The following TMEM132D variants were observed in gnomAD, a reference collection of about 807,000 sequenced individuals.
The protein encoded by TMEM132D is transmembrane protein 132D, also known as mature OL transmembrane protein.
In TMEM132D, 21 loss-of-function variants were observed where a neutral mutation model predicts 62.3. The ratio of observed to expected loss-of-function variants is 0.34; its 90% CI spans 0.24 to 0.49. TMEM132D has a LOEUF of 0.49. Ranked by LOEUF, TMEM132D falls within the 20% of genes least tolerant of loss-of-function variation. TMEM132D has a pLI of 0.99. For missense variants in TMEM132D, 1,346 were observed against 1,402.8 expected (o/e 0.96, Z 0.65); for synonymous variants, 621 against 575.6 (o/e 1.08, Z -1.13).
At chr12:129,888,858 C>T (rs922024736) in intron 1 of TMEM132D, among the ~76,000 whole-genome samples, 2 of 152,170 alleles carry the variant, frequency 1.3e-5, no homozygotes, top group Non-Finnish European at 2.9e-5. Flanking sequence ...TAGGTCCTCC[C>T]TCCAGGCTCT....
At chr12:129,438,116 A>G (rs1872839166) in intron 3 of TMEM132D, among the ~76,000 whole-genome samples, 4 of 152,150 alleles carry the variant, frequency 2.6e-5, no homozygotes, top group Admixed American at 6.5e-5. Flanking sequence ...TATGTACCAC[A>G]TTCTTTTTAA....
intron 1 of TMEM132D, among the ~76,000 whole-genome samples, chr12:129,818,426 T>A (rs766784773): frequency 4.1e-5 from 6 of 146,032 alleles, no homozygotes; most frequent in Non-Finnish European, 6.0e-5. Flanking sequence ...AGTGTGTATG[T>A]GTGTGGTGGG....
Position 129,393,740 on chromosome 12 carries a change from CA to C in TMEM132D, c.1116-55924del, listed in dbSNP as rs1375039444. ...CAGCAAGCTTAAACACTTGAGCAAG[CA>C]ACCCACGCCAAACTGAGGTTGTTTT... On this transcript the variant is annotated intron_variant, in intron 3 of 8. Coordinates refer to ENST00000422113, the MANE Select transcript of TMEM132D (RefSeq NM_133448.3). Among the ~76,000 whole-genome samples, 6 of 152,304 alleles carry C rather than the reference CA, an allele frequency of 3.9e-5. No individual in the cohort carries two copies. In the East Asian group the frequency reaches 1.2e-3, roughly 29 times the overall value.
At chr12:129,488,171 A>G (rs1390929477) in intron 3 of TMEM132D, among the ~76,000 whole-genome samples, 1 of 152,038 alleles carries the variant, frequency 6.6e-6, no homozygotes, top group African/African-American at 2.4e-5. Flanking sequence ...ACACTCAGAA[A>G]TAAGTTGCTG....
intron 2 of TMEM132D, among the ~76,000 whole-genome samples, chr12:129,650,416 C>T (rs1241934238): frequency 6.6e-6 from 1 of 152,126 alleles, no homozygotes; most frequent in Non-Finnish European, 1.5e-5. Flanking sequence ...GTGTTTTGAA[C>T]ATTCTTGTAT....
chr12:129,143,743 G>A (rs1371893395), intron 5 of TMEM132D, among the ~76,000 whole-genome samples: 1 of 152,154 alleles, frequency 6.6e-6, no homozygotes. Context: ...AAAGAGAAAG[G>A]AATGCCATTT....
chr12:129,223,636 A>G (rs1272282215), intron 4 of TMEM132D, among the ~76,000 whole-genome samples: 1 of 152,214 alleles, frequency 6.6e-6, no homozygotes, highest in Non-Finnish European at 1.5e-5. Flanking sequence ...GCAGCAATAG[A>G]TAACTGATAA....
chr12:129,266,830 A>G (rs529950709), intron 4 of TMEM132D, among the ~76,000 whole-genome samples: 1 of 152,092 alleles, frequency 6.6e-6, no homozygotes, highest in Non-Finnish European at 1.5e-5. Context: ...TGTCTCTGCT[A>G]TCACCACCCA....
At chr12:129,120,672 T>C (rs976078841) in intron 5 of TMEM132D, among the ~76,000 whole-genome samples, 3 of 152,178 alleles carry the variant, frequency 2.0e-5, no homozygotes, top group African/African-American at 4.8e-5. Context: ...GTTAATAGTA[T>C]AGATAGATAA....
At chr12:129,166,421 A>G (rs1314276726) in intron 5 of TMEM132D, among the ~76,000 whole-genome samples, 1 of 152,210 alleles carries the variant, frequency 6.6e-6, no homozygotes, top group African/African-American at 2.4e-5. Context: ...TTTGACATGC[A>G]TGAATGTGGG....
At chr12:129,077,923 AAC>A (rs1338305455) in intron 8 of TMEM132D, among the ~76,000 whole-genome samples, 1 of 152,140 alleles carries the variant, frequency 6.6e-6, no homozygotes, top group Non-Finnish European at 1.5e-5. Flanking sequence ...ATAGACACAC[AAC>A]ACACATATAC....
chr12:129,544,419 C>T (rs2137100424), intron 2 of TMEM132D, among the ~76,000 whole-genome samples: 1 of 152,324 alleles, frequency 6.6e-6, no homozygotes, highest in South Asian at 2.1e-4. Context: ...TTAAATGATT[C>T]ATCCAGTACC....
At chr12:129,898,665 C>T (rs188183158) in intron 1 of TMEM132D, among the ~76,000 whole-genome samples, 35 of 152,340 alleles carry the variant, frequency 2.3e-4, no homozygotes, top group South Asian at 1.0e-3. Context: ...CTCGCCCCAT[C>T]CTCCAGAGCA....
At chr12:129,742,044 G>A (rs1189003640) in intron 1 of TMEM132D, among the ~76,000 whole-genome samples, 2 of 152,268 alleles carry the variant, frequency 1.3e-5, no homozygotes, top group Non-Finnish European at 2.9e-5. Context: ...CCCCAAGTAA[G>A]AGAATGTTAA....
chr12:129,307,378 C>T (rs913655831), intron 4 of TMEM132D, among the ~76,000 whole-genome samples: 2 of 152,214 alleles, frequency 1.3e-5, no homozygotes, highest in African/African-American at 4.8e-5. Flanking sequence ...GAAAATACCA[C>T]AGCTGAACCC....
At chr12:129,574,956 T>C (rs1394095562) in intron 2 of TMEM132D, among the ~76,000 whole-genome samples, 2 of 151,706 alleles carry the variant, frequency 1.3e-5, no homozygotes, top group Non-Finnish European at 2.9e-5. Flanking sequence ...CCAAACACTC[T>C]TCCTGCTTGC....
intron 1 of TMEM132D, among the ~76,000 whole-genome samples, chr12:129,750,212 G>A (rs371428400): frequency 6.6e-6 from 1 of 151,916 alleles, no homozygotes; most frequent in Non-Finnish European, 1.5e-5. Context: ...CAGCCTCCCA[G>A]ATAGCTGGGA....
rs150152827 is a variant in TMEM132D, at chr12:129,288,395, C to T, written c.1299+49239G>A. Among the ~76,000 whole-genome samples the T allele has an allele frequency of 2.1e-3, 324 of 152,220 alleles. 1 individual carries two copies. The highest frequency in any genetic ancestry group is 7.1e-3 in the African/African-American group (297 of 41,540). On this transcript the variant is annotated intron_variant, in intron 4 of 8. Coordinates refer to ENST00000422113, the MANE Select transcript of TMEM132D (RefSeq NM_133448.3). Reference sequence around the variant, plus strand: ...TCATACAGCTCAATAGCAACAACAACGACAACAACAACAAACCACTAAGAA... The same window carrying T: ...TCATACAGCTCAATAGCAACAACAATGACAACAACAACAAACCACTAAGAA...
chr12:129,505,478 T>C (rs923052856), intron 3 of TMEM132D, among the ~76,000 whole-genome samples: 15 of 152,058 alleles, frequency 9.9e-5, no homozygotes, highest in Non-Finnish European at 1.6e-4. Context: ...CTCCTGACCT[T>C]GTGATCCGCC....
Sources: gnomAD v4.1 joint callset for allele counts (sites outside exome capture counted in the v4.1 genomes callset) on GRCh38, gnomAD v4.1.1 for gene constraint, MANE v1.5 for transcripts, NCBI Gene and HGNC (gene_info 2026-07-23, HGNC 2026-07-21) for gene names.